The following MPC1 variants were observed in gnomAD, a reference collection of about 807,000 sequenced individuals.
MPC1 encodes mitochondrial pyruvate carrier 1.
A neutral mutation model predicts 13.9 loss-of-function variants in MPC1; 6 were observed. That is an observed-to-expected ratio of 0.43 (90% CI 0.24 to 0.85). The LOEUF is 0.85. MPC1 is among the 40% of genes least tolerant of loss of function. MPC1 has a pLI of 0.24. For synonymous variants in MPC1, 47 were observed against 50.5 expected (o/e 0.93, Z 0.29); for missense variants, 115 against 143.3 (o/e 0.80, Z 1.01).
At chr6:166,373,675 C>T (rs1383912158) in intron 1 of MPC1, among the ~76,000 whole-genome samples, 1 of 152,200 alleles carries the variant, frequency 6.6e-6, no homozygotes, top group Non-Finnish European at 1.5e-5. Flanking sequence ...AAACTGTTTT[C>T]CAAAGTGGCT....
chr6:166,382,420 A>G (rs2114986287), intron 1 of MPC1, among the ~76,000 whole-genome samples: 1 of 135,238 alleles, frequency 7.4e-6, no homozygotes, highest in African/African-American at 2.9e-5. Context: ...AGGGGACTCA[A>G]TGTCACCCCT....
chr6:166,371,447 A>C (rs1052910359), intron 1 of MPC1, among the ~76,000 whole-genome samples: 1 of 152,212 alleles, frequency 6.6e-6, no homozygotes, highest in Admixed American at 6.5e-5. Context: ...CTCTTCTCTT[A>C]GGGCAAAATC....
At chr6:166,380,916 G>A (rs1279538139) in intron 1 of MPC1, among the ~76,000 whole-genome samples, 2 of 123,746 alleles carry the variant, frequency 1.6e-5, no homozygotes, top group African/African-American at 6.3e-5. Flanking sequence ...TCCAGCCTGG[G>A]CAACAAGAGA....
intron 1 of MPC1, among the ~76,000 whole-genome samples, chr6:166,372,983 A>T (rs189642823): frequency 0.019 from 2,866 of 152,206 alleles, 44 homozygotes; most frequent in Non-Finnish European, 0.029. Context: ...CTGTTTTTTT[A>T]AAAAATAAAC....
At chr6:166,377,029 C>CT (rs1296874334) in intron 1 of MPC1, among the ~76,000 whole-genome samples, 1 of 151,286 alleles carries the variant, frequency 6.6e-6, no homozygotes, top group African/African-American at 2.4e-5. Flanking sequence ...GTTCTTTGTT[C>CT]TTTTTTTGCC....
At chr6:166,381,983 C>G (rs1779801982) in intron 1 of MPC1, among the ~76,000 whole-genome samples, 1 of 152,318 alleles carries the variant, frequency 6.6e-6, no homozygotes, top group Non-Finnish European at 1.5e-5. Flanking sequence ...GCGCTCTCAG[C>G]AGCGCCTCCC....
At position 166,377,174 on chromosome 6, in the gene MPC1, G is replaced by A. The variant is rs1195127283; in HGVS notation, c.71+5632C>T. 2.9e-5 allele frequency among the ~76,000 whole-genome samples: 4 copies of A among 136,280 alleles called. No individual in the cohort carries two copies. In the East Asian group the frequency reaches 6.4e-4, roughly 22 times the overall value. 89.4% of individuals were successfully genotyped at this position (136,280 alleles called of 152,430 possible). ...TTTTTTTTTTTTTTGAGACAGTCTC[G>A]CTCTGTTAGCCAGGCTGGAGTGCAG... On this transcript the variant is annotated intron_variant, in intron 1 of 4. Transcript: ENST00000360961.
intron 2 of MPC1, among the ~76,000 whole-genome samples, chr6:166,367,342 CT>C (rs1779199931): frequency 6.6e-6 from 1 of 152,130 alleles, no homozygotes; most frequent in Non-Finnish European, 1.5e-5. Flanking sequence ...GTTAATAATT[CT>C]TAAAATGCAG....
At chr6:166,381,248 A>C (rs1569460) in intron 1 of MPC1, among the ~76,000 whole-genome samples, 116,983 of 152,178 alleles carry the variant, frequency 0.77, 45,326 homozygotes, top group East Asian at 0.96. Flanking sequence ...CTTAATTAAT[A>C]GTAGTTCTAT....
chr6:166,379,348 G>A (rs962705265), intron 1 of MPC1, among the ~76,000 whole-genome samples: 1 of 152,084 alleles, frequency 6.6e-6, no homozygotes, highest in Non-Finnish European at 1.5e-5. Flanking sequence ...CAAAAAACTA[G>A]CCAGGTATGA....
chr6:166,368,103 T>A lies in MPC1; in HGVS notation c.76-1212A>T, dbSNP rs186096780. On this transcript the variant is annotated intron_variant, in intron 2 of 4. Coordinates refer to ENST00000360961, the MANE Select transcript of MPC1 (RefSeq NM_016098.4). Reference sequence around the variant, plus strand: ...AATTAGGCACAGTTGGTTTAAAGAATCTTGAGATTCTGGGCTGGCTAATTA... The same window carrying A: ...AATTAGGCACAGTTGGTTTAAAGAAACTTGAGATTCTGGGCTGGCTAATTA... Among the ~76,000 whole-genome samples the A allele has an allele frequency of 3.9e-5, 6 of 152,310 alleles. No individual in the cohort carries two copies. The East Asian group carries it at 7.7e-4, about 20-fold the overall frequency.
chr6:166,381,019 T>C (rs1334559385), intron 1 of MPC1, among the ~76,000 whole-genome samples: 1 of 148,854 alleles, frequency 6.7e-6, no homozygotes, highest in Non-Finnish European at 1.5e-5. Context: ...CTAGGTGTCA[T>C]AACTGTATTT....
chr6:166,375,819 G>A (rs1018687908), intron 1 of MPC1, among the ~76,000 whole-genome samples: 1 of 152,158 alleles, frequency 6.6e-6, no homozygotes. Flanking sequence ...TTATCTTGGT[G>A]AGTGTTCCAT....
In MPC1 at chr6:166,365,483, G is replaced by C; in HGVS notation, c.306-30C>G. On this transcript the variant is annotated intron_variant, in intron 4 of 4. Transcript: ENST00000360961. The surrounding 1 kb of genome is among the most constrained non-coding windows in gnomAD (Gnocchi z 4.2). ...AAAGAAACAAAAAGAAAAATTCAAT[G>C]AGAAACAAAATTTCAATGCCAATCG... The C allele has an allele frequency of 6.4e-7, 1 of 1,556,996 alleles. No homozygotes were observed. The highest frequency in any genetic ancestry group is 8.7e-7 in the Non-Finnish European group (1 of 1,150,532).
At chr6:166,375,610 T>C (rs920833363) in intron 1 of MPC1, among the ~76,000 whole-genome samples, 6 of 152,224 alleles carry the variant, frequency 3.9e-5, no homozygotes, top group Admixed American at 1.3e-4. Flanking sequence ...TGCACTTTTA[T>C]TTAGTTCAAA....
At chr6:166,379,829 A>G (rs1195190705) in intron 1 of MPC1, among the ~76,000 whole-genome samples, 1 of 152,252 alleles carries the variant, frequency 6.6e-6, no homozygotes, top group East Asian at 1.9e-4. Context: ...CTCCTTTGCT[A>G]AAGAAAAGCC....
At position 166,366,063 on chromosome 6, in the gene MPC1, C is replaced by G; in HGVS notation, c.216G>C (p.Lys72Asn). 1 of 1,613,962 alleles carries G rather than the reference C, an allele frequency of 6.2e-7. No individual in the cohort carries two copies. Among genetic ancestry groups the G allele is most frequent in the South Asian group, 1.1e-5 (1 of 91,066 alleles). ...ACAGAAGCCAGTTCCGAGGCTGTACCTTGTAGGCAAATCTCATGAATGTCA... is the reference window on the plus strand; with the variant it reads ...ACAGAAGCCAGTTCCGAGGCTGTACGTTGTAGGCAAATCTCATGAATGTCA... ...YSLTFMRFAYKVQPRNWLLFA... is the reference protein window; with the variant it reads ...YSLTFMRFAYNVQPRNWLLFA... The change falls in exon 4 of 5, where the codon AAG (lysine) becomes AAC (asparagine). Residue 72 changes from lysine to asparagine, a missense_variant. Coordinates refer to ENST00000360961, the MANE Select transcript of MPC1 (RefSeq NM_016098.4).
intron 1 of MPC1, among the ~76,000 whole-genome samples, chr6:166,375,182 T>C (rs1715469322): frequency 6.6e-6 from 1 of 152,146 alleles, no homozygotes; most frequent in Admixed American, 6.5e-5. Context: ...GACTAACAAG[T>C]AGGTAGCATC....
Position 166,366,043 on chromosome 6 carries a change from A to C in MPC1, c.236T>G (p.Leu79Arg), listed in dbSNP as rs387907238. The C allele has an allele frequency of 6.2e-7, 1 of 1,614,088 alleles. No individual in the cohort carries two copies. The highest frequency in any genetic ancestry group is 8.5e-7 in the Non-Finnish European group (1 of 1,179,956). The part of the protein sequence containing the change: ...FAYKVQPRNW[L>R]LFACHATNEV... Reference sequence around the variant, plus strand: ...ATTTGTTGCGTGGCATGCAAACAGAAGCCAGTTCCGAGGCTGTACCTTGTA... The same window carrying C: ...ATTTGTTGCGTGGCATGCAAACAGACGCCAGTTCCGAGGCTGTACCTTGTA... Residue 79 changes from leucine (L) to arginine (R), a missense_variant, in exon 4 of 5, where the codon CTT (leucine) becomes CGT (arginine). Coordinates refer to ENST00000360961, the MANE Select transcript of MPC1 (RefSeq NM_016098.4).
Sources: gnomAD v4.1 joint callset for allele counts (sites outside exome capture counted in the v4.1 genomes callset) on GRCh38, gnomAD v4.1.1 for gene constraint, Gnocchi (gnomAD v3.1) non-coding constraint, MANE v1.5 for transcripts, NCBI Gene and HGNC (gene_info 2026-07-23, HGNC 2026-07-21) for gene names.